Variants in SYNE1 observed in about 807,000 individuals in gnomAD.
SYNE1 encodes nesprin-1.
Under a neutral mutation model 1,111.0 loss-of-function variants are expected in SYNE1, and 616 were observed. The ratio of observed to expected loss-of-function variants is 0.55; its 90% CI spans 0.52 to 0.59. The LOEUF (loss-of-function observed/expected upper bound fraction) is 0.59, where lower values mean the gene tolerates loss of function less well. Ranked by LOEUF, SYNE1 falls within the 20% of genes least tolerant of loss-of-function variation. SYNE1 has a pLI of 0.00. For missense variants in SYNE1, 10,006 were observed against 10,417.0 expected (o/e 0.96, Z 1.72); for synonymous variants, 3,855 against 3,825.8 (o/e 1.01, Z -0.28).
At position 152,225,810 on chromosome 6, in the gene SYNE1, A is replaced by G. The variant is rs761116047; in HGVS notation, c.21262T>C (p.Leu7088=). The G allele has an allele frequency of 1.9e-6, 3 of 1,613,998 alleles. No individual in the cohort carries two copies. In the South Asian group the frequency reaches 3.3e-5, roughly 18 times the overall value. ...ACGTCTTCTTTCTTGTTCTGAATCA[A>G]AGCAAGTCCATTCTGCTCAATTTTC... The part of the protein sequence containing the change: ...VEKIEQNGLA[L]IQNKKEDVSS... The change falls in exon 116 of 146, where the codon TTG becomes CTG. Residue 7088 remains leucine, a synonymous_variant. Coordinates refer to ENST00000367255, the MANE Select transcript of SYNE1 (RefSeq NM_182961.4).
chr6:152,152,784 TC>T lies in SYNE1; in HGVS notation c.24130-644del, dbSNP rs2060673266. Among the ~76,000 whole-genome samples the T allele has an allele frequency of 2.0e-5, 3 of 152,352 alleles. No homozygotes were observed. The South Asian group carries it at 6.2e-4, about 32-fold the overall frequency. On this transcript the variant is annotated intron_variant, in intron 133 of 145. Coordinates refer to ENST00000367255, the MANE Select transcript of SYNE1 (RefSeq NM_182961.4). ...TAAAAAATTTGGAACATGCTCTGTT[TC>T]TTTTTTGTTGTTCCTGTGATTTAAT...
intron 128 of SYNE1, among the ~76,000 whole-genome samples, chr6:152,181,217 GC>G (rs1563272912): frequency 2.6e-5 from 4 of 152,140 alleles, no homozygotes; most frequent in African/African-American, 4.8e-5. Context: ...TTCGAAACCT[GC>G]GTGGCCAACA....
In SYNE1 at chr6:152,334,106, C is replaced by T; in HGVS notation, c.12696G>A (p.Arg4232=). 6.2e-7 allele frequency: 1 copy of T among 1,614,122 alleles called. No individual in the cohort carries two copies. Among genetic ancestry groups the T allele is most frequent in the Non-Finnish European group, 8.5e-7 (1 of 1,180,036 alleles). Residue 4232 remains arginine (R), a synonymous_variant, in exon 77 of 146, where the codon AGG becomes AGA. Coordinates refer to ENST00000367255, the MANE Select transcript of SYNE1 (RefSeq NM_182961.4). The part of the protein sequence containing the change: ...CRQSNNLCLQ[R]EEDLQRTRDY... ...CTCTTGTTCTCTGAAGATCCTCTTC[C>T]CTTTGCAAGCACAGGTTGTTAGACT...
intron 112 of SYNE1, among the ~76,000 whole-genome samples, chr6:152,232,511 TAATC>T (rs1225006276): frequency 6.6e-6 from 1 of 152,198 alleles, no homozygotes; most frequent in East Asian, 1.9e-4. Flanking sequence ...ATTAACTAAT[TAATC>T]AAAGCACCAG....
At chr6:152,214,867 G>A in intron 122 of SYNE1, 39 bp downstream of exon 122, 3 of 1,613,156 alleles carry the variant, frequency 1.9e-6, no homozygotes, top group Non-Finnish European at 2.5e-6. Flanking sequence ...ACCAGACTAA[G>A]ACAACTGGAG....
At chr6:152,235,775 T>G (rs2083881097) in intron 110 of SYNE1, among the ~76,000 whole-genome samples, 1 of 151,018 alleles carries the variant, frequency 6.6e-6, no homozygotes, top group South Asian at 2.1e-4. Flanking sequence ...ACAGTCTCAC[T>G]CTATTGCCCA....
At chr6:152,615,498 T>C (rs2099643466) in intron 3 of SYNE1, among the ~76,000 whole-genome samples, 1 of 152,076 alleles carries the variant, frequency 6.6e-6, no homozygotes. Flanking sequence ...AGAAATAACA[T>C]TCCTTCTTTG....
intron 96 of SYNE1, among the ~76,000 whole-genome samples, chr6:152,282,590 C>T (rs2094102475): frequency 6.6e-6 from 1 of 151,808 alleles, no homozygotes; most frequent in African/African-American, 2.4e-5. Context: ...TTTGAAACCC[C>T]CACAAGTTTT....
intron 128 of SYNE1, among the ~76,000 whole-genome samples, chr6:152,189,018 T>TATAA (rs1401917127): frequency 1.0e-5 from 1 of 98,288 alleles, no homozygotes; most frequent in Non-Finnish European, 2.0e-5. Context: ...TATATATATA[T>TATAA]AAAATGCCAG....
At chr6:152,159,481 T>C (rs939266166) in intron 131 of SYNE1, among the ~76,000 whole-genome samples, 2 of 152,240 alleles carry the variant, frequency 1.3e-5, no homozygotes, top group African/African-American at 4.8e-5. Flanking sequence ...GCATATTTAA[T>C]GTAGTAAAAA....
In SYNE1 at chr6:152,368,982, T is replaced by C. The variant is rs768414736; in HGVS notation, c.9797A>G (p.Asn3266Ser). 3 of 1,614,214 alleles carry C rather than the reference T, an allele frequency of 1.9e-6. No individual in the cohort carries two copies. Among genetic ancestry groups the C allele is most frequent in the African/African-American group, 1.3e-5 (1 of 75,058 alleles). Residue 3266 changes from asparagine (N) to serine (S), a missense_variant, in exon 61 of 146, where the codon AAT (asparagine) becomes AGT (serine). Asn to Ser is a conservative substitution (Grantham distance 46). Around this residue, in one of 7 missense-constraint regions of SYNE1, gnomAD observed 4,955 missense variants for 5,017.2 expected, o/e 0.99. Transcript: ENST00000367255. ...QLSSQYLALSNLTKEKVSRLD... is the reference protein window; with the variant it reads ...QLSSQYLALSSLTKEKVSRLD... ...CGTGCCAGGCGTTACCTTTGTTAAA[T>C]TGCTTAGCGCTAGATACTGAGAAGA...
At position 152,189,128 on chromosome 6, in the gene SYNE1, T is replaced by C. The variant is rs1446055482; in HGVS notation, c.23301+124A>G. 13 of 976,898 alleles carry C rather than the reference T, an allele frequency of 1.3e-5. No individual in the cohort carries two copies. In the East Asian group the frequency reaches 2.2e-4, roughly 17 times the overall value. 60.5% of individuals were successfully genotyped at this position (976,898 alleles called of 1,614,324 possible). A position where few individuals can be genotyped will look rare whatever the true frequency, so the allele number is the denominator to read the frequency against. On this transcript the variant is annotated intron_variant, in intron 128 of 145. Coordinates refer to ENST00000367255, the MANE Select transcript of SYNE1 (RefSeq NM_182961.4). The stretch of plus-strand genomic sequence containing the variant: ...AAATGTTCTGGTAGTAACCACAGTG[T>C]TCTTCCTTTGTCCGTACTAAGAATT...
At chr6:152,375,646 T>C (rs2097266598) in intron 58 of SYNE1, among the ~76,000 whole-genome samples, 1 of 152,226 alleles carries the variant, frequency 6.6e-6, no homozygotes, top group Non-Finnish European at 1.5e-5. Context: ...CAGCTCTGGC[T>C]ATCTTAACAC....
intron 78 of SYNE1, among the ~76,000 whole-genome samples, chr6:152,328,509 G>T (rs190578206): frequency 4.0e-5 from 6 of 151,366 alleles, no homozygotes; most frequent in Non-Finnish European, 7.4e-5. Flanking sequence ...GGGTTTAAGC[G>T]ATTTTACTGC....
intron 128 of SYNE1, among the ~76,000 whole-genome samples, chr6:152,183,921 T>G (rs2813512): frequency 0.63 from 95,848 of 152,058 alleles, 31,931 homozygotes; most frequent in African/African-American, 0.87. Flanking sequence ...AGGCAGCTGA[T>G]ATTCAAAAAT....
At chr6:152,302,553 G>A (rs982790409) in intron 91 of SYNE1, among the ~76,000 whole-genome samples, 1 of 152,134 alleles carries the variant, frequency 6.6e-6, no homozygotes, top group African/African-American at 2.4e-5. Flanking sequence ...ATTTTACATA[G>A]GGTCACATAC....
chr6:152,208,051 A>T lies in SYNE1; in HGVS notation c.22745T>A (p.Val7582Glu). ...AEKLRKWLVE[V>E]SYLPMSGLGS... The stretch of plus-strand genomic sequence containing the variant: ...GAGACCACTCATGGGGAGGTAGGAC[A>T]CTTCAACCAACCATTTACGAAGCTT... The change falls in exon 125 of 146, where the codon GTG becomes GAG. Residue 7582 changes from valine (V) to glutamate (E), a missense_variant. Around this residue, in one of 7 missense-constraint regions of SYNE1, gnomAD observed 2,182 missense variants for 2,287.8 expected, o/e 0.95. Coordinates refer to ENST00000367255, the MANE Select transcript of SYNE1 (RefSeq NM_182961.4). 1.2e-6 allele frequency: 2 copies of T among 1,614,116 alleles called. No individual in the cohort carries two copies. Among genetic ancestry groups the T allele is most frequent in the Non-Finnish European group, 1.7e-6 (2 of 1,180,010 alleles).
chr6:152,148,394 A>G lies in SYNE1; in HGVS notation c.24643-16T>C. The stretch of plus-strand genomic sequence containing the variant: ...CGTCTGGGAGCTAGAAGGGAAGTCA[A>G]GGCAACCCTGTCACTGTAGTGGTCA... On this transcript the variant is annotated splice_polypyrimidine_tract_variant and intron_variant, in intron 136 of 145. Coordinates refer to ENST00000367255, the MANE Select transcript of SYNE1 (RefSeq NM_182961.4). The surrounding 1 kb of genome is among the most constrained non-coding windows in gnomAD (Gnocchi z 4.1). The G allele has an allele frequency of 6.2e-7, 1 of 1,610,800 alleles. No individual in the cohort carries two copies. Among genetic ancestry groups the G allele is most frequent in the Non-Finnish European group, 8.5e-7 (1 of 1,178,800 alleles).
intron 26 of SYNE1, 53 bp from the exon 27 acceptor site, chr6:152,450,886 C>G: frequency 3.7e-6 from 6 of 1,600,900 alleles, no homozygotes; most frequent in Non-Finnish European, 5.1e-6. Flanking sequence ...CACAGTACTT[C>G]TACATTTTCA....
Sources: allele counts gnomAD v4.1 joint callset (sites outside exome capture counted in the v4.1 genomes callset), GRCh38; gene constraint gnomAD v4.1.1; regional missense constraint gnomAD v4.1.1; non-coding constraint Gnocchi (gnomAD v3.1); transcripts MANE v1.5; gene names NCBI Gene and HGNC (gene_info 2026-07-23, HGNC 2026-07-21).